The following ERC2 variants were observed in gnomAD, a reference collection of about 807,000 sequenced individuals.
ERC2 encodes ERC protein 2.
Under a neutral mutation model 114.8 loss-of-function variants are expected in ERC2, and 42 were observed. The observed-to-expected ratio is 0.37, with a 90% CI of 0.29 to 0.47. ERC2 has a LOEUF of 0.47. Among genes scored for constraint, ERC2 ranks in the 20% least tolerant of loss-of-function variants. The pLI is 0.99. For missense variants in ERC2, 939 were observed against 1,150.7 expected (o/e 0.82, Z 2.66); for synonymous variants, 454 against 425.5 (o/e 1.07, Z -0.82).
intron 14 of ERC2, among the ~76,000 whole-genome samples, chr3:55,848,056 CA>C (rs1226763608): frequency 2.0e-5 from 3 of 151,974 alleles, no homozygotes; most frequent in Non-Finnish European, 4.4e-5. Context: ...CTCGGCCTCC[CA>C]AAGTGCTGGG....
intron 17 of ERC2, among the ~76,000 whole-genome samples, chr3:55,666,823 A>G (rs2061373257): frequency 6.6e-6 from 1 of 152,158 alleles, no homozygotes; most frequent in African/African-American, 2.4e-5. Flanking sequence ...TCTCAATTCC[A>G]GCTCCATCAC....
intron 14 of ERC2, among the ~76,000 whole-genome samples, chr3:55,759,750 TTA>T (rs1376037041): frequency 6.6e-6 from 1 of 152,176 alleles, no homozygotes; most frequent in African/African-American, 2.4e-5. Flanking sequence ...TTCCTTAAAT[TTA>T]TATGTTTCCA....
intron 6 of ERC2, among the ~76,000 whole-genome samples, chr3:56,086,890 T>C (rs1330100991): frequency 6.6e-6 from 1 of 152,140 alleles, no homozygotes; most frequent in Admixed American, 6.6e-5. Flanking sequence ...ATGGAATACC[T>C]TTCTCTGCCT....
At chr3:56,088,066 T>G (rs1421790060) in intron 6 of ERC2, among the ~76,000 whole-genome samples, 4 of 152,188 alleles carry the variant, frequency 2.6e-5, no homozygotes, top group South Asian at 4.2e-4. Context: ...CTTCAGGAAA[T>G]GTAAGCAGAA....
At chr3:55,572,435 A>G (rs1180812144) in intron 17 of ERC2, among the ~76,000 whole-genome samples, 2 of 152,246 alleles carry the variant, frequency 1.3e-5, no homozygotes, top group African/African-American at 4.8e-5. Flanking sequence ...TGTAGGCAAC[A>G]AAAAGAAGGA....
chr3:55,752,079 C>A (rs553847973), intron 14 of ERC2, among the ~76,000 whole-genome samples: 3 of 152,308 alleles, frequency 2.0e-5, no homozygotes, highest in East Asian at 3.9e-4. Flanking sequence ...AACTTTGTTA[C>A]AACCTCCAGG....
chr3:55,877,655 G>A (rs1327086784), intron 14 of ERC2, among the ~76,000 whole-genome samples: 1 of 151,730 alleles, frequency 6.6e-6, no homozygotes, highest in Non-Finnish European at 1.5e-5. Context: ...GGGACCACAG[G>A]TACACAACAC....
intron 13 of ERC2, among the ~76,000 whole-genome samples, chr3:55,897,775 C>A (rs1386918801): frequency 6.6e-6 from 1 of 152,218 alleles, no homozygotes; most frequent in African/African-American, 2.4e-5. Context: ...TCTATCTCTT[C>A]CTCCTTCCCA....
chr3:56,161,144 C>T (rs1176878211), intron 4 of ERC2, among the ~76,000 whole-genome samples: 10 of 152,120 alleles, frequency 6.6e-5, no homozygotes. Flanking sequence ...AGTCGGGGCC[C>T]TCCTCCCAGT....
At chr3:55,597,376 C>T (rs984023701) in intron 17 of ERC2, among the ~76,000 whole-genome samples, 16 of 149,586 alleles carry the variant, frequency 1.1e-4, no homozygotes, top group Middle Eastern at 7.0e-3. Context: ...GCCCAGACCG[C>T]GCCACTGCAC....
chr3:56,276,922 C>T (rs1207893224), intron 3 of ERC2, among the ~76,000 whole-genome samples: 2 of 152,156 alleles, frequency 1.3e-5, no homozygotes, highest in African/African-American at 4.8e-5. Flanking sequence ...CATCCTGGGC[C>T]ACATGTGGCT....
At chr3:55,554,799 G>C (rs1027572594) in intron 17 of ERC2, among the ~76,000 whole-genome samples, 12 of 151,978 alleles carry the variant, frequency 7.9e-5, no homozygotes, top group African/African-American at 2.2e-4. Context: ...TAGGGGCACT[G>C]TCAGCCTCAT....
chr3:56,272,701 T>C (rs2123180), intron 3 of ERC2, among the ~76,000 whole-genome samples: 52,910 of 151,812 alleles, frequency 0.35, 10,029 homozygotes, highest in Middle Eastern at 0.44. Context: ...ACCCAGGAGC[T>C]GGAGGTTGCA....
chr3:56,036,564 G>GAGGTATC (rs1306454139), intron 7 of ERC2, among the ~76,000 whole-genome samples: 1 of 152,136 alleles, frequency 6.6e-6, no homozygotes, highest in Non-Finnish European at 1.5e-5. Flanking sequence ...ACCTCCAGCT[G>GAGGTATC]AGGTATCCAG....
chr3:56,094,091 C>T (rs748641875), intron 6 of ERC2, among the ~76,000 whole-genome samples: 8 of 152,132 alleles, frequency 5.3e-5, no homozygotes, highest in African/African-American at 1.2e-4. Context: ...CCACCGAACC[C>T]GTTCTTTTCT....
At position 56,010,550 on chromosome 3, in the gene ERC2, C is replaced by T; in HGVS notation, c.1819G>A (p.Asp607Asn). ...IERLKEQRER[D>N]DRERLEEIES... ...ATCTCTTCTAGTCTTTCCCGATCATCTCTTTCTCGCTGTTCTTTCAAGCGC... is the reference window on the plus strand; with the variant it reads ...ATCTCTTCTAGTCTTTCCCGATCATTTCTTTCTCGCTGTTCTTTCAAGCGC... Residue 607 changes from aspartate (D) to asparagine (N), a missense_variant, in exon 9 of 18, where the codon GAT (aspartate) becomes AAT (asparagine). Around this residue, in one of 5 missense-constraint regions of ERC2, gnomAD observed 149 missense variants for 254.6 expected, o/e 0.59. Transcript: ENST00000288221. 3 of 1,613,590 alleles carry T rather than the reference C, an allele frequency of 1.9e-6. No homozygotes were observed. The highest frequency in any genetic ancestry group is 2.5e-6 in the Non-Finnish European group (3 of 1,179,712).
intron 3 of ERC2, among the ~76,000 whole-genome samples, chr3:56,279,350 T>C (rs1047455859): frequency 6.6e-6 from 1 of 152,142 alleles, no homozygotes; most frequent in Non-Finnish European, 1.5e-5. Context: ...TTATGAGCAA[T>C]ATATGCACAA....
intron 2 of ERC2, among the ~76,000 whole-genome samples, chr3:56,309,958 G>A (rs1046619026): frequency 3.9e-5 from 6 of 152,144 alleles, no homozygotes; most frequent in East Asian, 1.9e-4. Context: ...AATGCTAAGC[G>A]CTTTGGCATT....
At chr3:55,524,183 C>A (rs981486319) in intron 17 of ERC2, among the ~76,000 whole-genome samples, 1 of 152,228 alleles carries the variant, frequency 6.6e-6, no homozygotes, top group Non-Finnish European at 1.5e-5. Context: ...CCCCTCTATA[C>A]TCGCCCATAC....
Sources: allele counts gnomAD v4.1 joint callset (sites outside exome capture counted in the v4.1 genomes callset), GRCh38; gene constraint gnomAD v4.1.1; regional missense constraint gnomAD v4.1.1; transcripts MANE v1.5; gene names NCBI Gene and HGNC (gene_info 2026-07-23, HGNC 2026-07-21).